The following TTC13 variants were observed in gnomAD, a reference collection of about 807,000 sequenced individuals.
The protein encoded by TTC13 is tetratricopeptide repeat protein 13.
In TTC13, 62 loss-of-function variants were observed where a neutral mutation model predicts 120.0. The ratio of observed to expected loss-of-function variants is 0.52; its 90% confidence interval spans 0.42 to 0.64. The LOEUF (loss-of-function observed/expected upper bound fraction) is 0.64, where lower values mean the gene tolerates loss of function less well. Among genes scored for constraint, TTC13 ranks in the 30% least tolerant of loss-of-function variants. TTC13 has a pLI of 0.00. For missense variants in TTC13, 824 were observed against 1,050.2 expected (o/e 0.78, Z 2.98); for synonymous variants, 384 against 393.5 (o/e 0.98, Z 0.28).
chr1:230,972,191 A>T (rs1677833204), intron 1 of TTC13, among the ~76,000 whole-genome samples: 1 of 152,224 alleles, frequency 6.6e-6, no homozygotes, highest in African/African-American at 2.4e-5. Context: ...ATGGTGCTGG[A>T]CTCTAAATCA....
chr1:230,925,199 C>G (rs1435957992), intron 13 of TTC13, among the ~76,000 whole-genome samples: 1 of 152,208 alleles, frequency 6.6e-6, no homozygotes, highest in Admixed American at 6.5e-5. Flanking sequence ...AACTCTGCCT[C>G]CTACTGAAAC....
At chr1:230,938,435 CG>C (rs1558193311) in intron 8 of TTC13, among the ~76,000 whole-genome samples, 1 of 152,180 alleles carries the variant, frequency 6.6e-6, no homozygotes, top group Non-Finnish European at 1.5e-5. Flanking sequence ...CGCACAGACT[CG>C]GAACATGGAA....
chr1:230,949,706 C>T (rs1230978789), intron 4 of TTC13, among the ~76,000 whole-genome samples: 2 of 152,006 alleles, frequency 1.3e-5, no homozygotes, highest in Admixed American at 6.5e-5. Flanking sequence ...ACTGCAGTGG[C>T]GCGATCTTGG....
chr1:230,954,445 T>C (rs1325059092), intron 3 of TTC13, 42 bp from the exon 4 acceptor site: 16 of 1,425,234 alleles, frequency 1.1e-5, no homozygotes, highest in Non-Finnish European at 1.6e-5. Flanking sequence ...AAGAATAAAG[T>C]AGTTCTAACT....
At chr1:230,935,207 A>G (rs1673930762) in intron 8 of TTC13, among the ~76,000 whole-genome samples, 1 of 152,254 alleles carries the variant, frequency 6.6e-6, no homozygotes, top group South Asian at 2.1e-4. Flanking sequence ...TTCTTAATTC[A>G]GTAAACATAT....
Position 230,923,862 on chromosome 1 carries a change from T to C in TTC13, c.1793A>G (p.Asn598Ser). 6.2e-7 allele frequency: 1 copy of C among 1,613,884 alleles called. No individual in the cohort carries two copies. Among genetic ancestry groups the C allele is most frequent in the Non-Finnish European group, 8.5e-7 (1 of 1,179,832 alleles). Residue 598 changes from asparagine to serine, a missense_variant, in exon 15 of 23, where the codon AAC becomes AGC. Physicochemically the swap from Asn to Ser is conservative, Grantham distance 46. Around this residue, in one of 4 missense-constraint regions of TTC13, gnomAD observed 430 missense variants for 626.8 expected, o/e 0.69. Transcript: ENST00000366661. Reference sequence around the variant, plus strand: ...GTACCTGATTAAATTAATGTGGTTGTTAAAACCTCTGCTAAGACTTCGTGC... The same window carrying C: ...GTACCTGATTAAATTAATGTGGTTGCTAAAACCTCTGCTAAGACTTCGTGC... ...MPARSLSRGF[N>S]NHINLIRGQV...
chr1:230,949,791 G>A (rs1180021480), intron 4 of TTC13, among the ~76,000 whole-genome samples: 7 of 152,038 alleles, frequency 4.6e-5, no homozygotes, highest in African/African-American at 7.2e-5. Context: ...GACTACAGGC[G>A]CCAGCCACCA....
chr1:230,908,471 T>C, intron 22 of TTC13: 1 of 539,748 alleles, frequency 1.9e-6, no homozygotes, highest in Non-Finnish European at 3.4e-6. Context: ...ATTACAGGTA[T>C]GAGCTACTGT....
At chr1:230,960,211 G>C (rs1676488504) in intron 2 of TTC13, among the ~76,000 whole-genome samples, 1 of 152,254 alleles carries the variant, frequency 6.6e-6, no homozygotes, top group African/African-American at 2.4e-5. Context: ...ACCTTGGGAA[G>C]AGGAAAGGCC....
chr1:230,955,279 C>A (rs1335681465), intron 3 of TTC13, among the ~76,000 whole-genome samples: 4 of 152,106 alleles, frequency 2.6e-5, no homozygotes, highest in African/African-American at 9.7e-5. Flanking sequence ...AGCTTTACTG[C>A]AATATCCTTT....
In TTC13 at chr1:230,958,304, GAAA is replaced by G. The variant is rs60736833; in HGVS notation, c.367-8_367-6del. On this transcript the variant is annotated splice_polypyrimidine_tract_variant and splice_region_variant and intron_variant, in intron 2 of 22. Coordinates refer to ENST00000366661, the MANE Select transcript of TTC13 (RefSeq NM_024525.5). ...TGCAATAGACTTGGCCTGGCTCTGG[GAAA>G]AAAAAAAAAAAAACCCATACATTTT... 394 of 1,447,378 alleles carry G rather than the reference GAAA, an allele frequency of 2.7e-4. No individual in the cohort carries two copies. The highest frequency in any genetic ancestry group is 9.7e-4 in the South Asian group (75 of 77,048). 89.7% of individuals were successfully genotyped at this position (1,447,378 alleles called of 1,614,324 possible). A position where few individuals can be genotyped will look rare whatever the true frequency, so the allele number is the denominator to read the frequency against.
At chr1:230,962,811 T>C (rs1335409578) in intron 1 of TTC13, among the ~76,000 whole-genome samples, 1 of 152,198 alleles carries the variant, frequency 6.6e-6, no homozygotes, top group Non-Finnish European at 1.5e-5. Flanking sequence ...CAAAACATTA[T>C]GCTAAATGGA....
chr1:230,931,203 T>C, intron 11 of TTC13, 95 bp downstream of exon 11: 2 of 1,360,642 alleles, frequency 1.5e-6, no homozygotes. Context: ...TCTTTCAGAC[T>C]CCACTGTTTC....
Position 230,907,941 on chromosome 1 carries a change from C to T in TTC13, c.2468+771G>A, listed in dbSNP as rs563036708. On this transcript the variant is annotated intron_variant, in intron 22 of 22. Transcript: ENST00000366661. ...TCTCCAGTGCTTCTGGAAACAAGAG[C>T]CAGGAACGATCATGGTCTGCTAGAC... Among the ~76,000 whole-genome samples, 35 of 152,184 alleles carry T rather than the reference C, an allele frequency of 2.3e-4. No individual in the cohort carries two copies. In the South Asian group the frequency reaches 6.8e-3, roughly 30 times the overall value.
intron 16 of TTC13, among the ~76,000 whole-genome samples, 158 bp downstream of exon 16, chr1:230,921,263 G>A (rs1672548578): frequency 1.3e-5 from 2 of 152,162 alleles, no homozygotes; most frequent in Non-Finnish European, 2.9e-5. Flanking sequence ...TAAAAAGAAA[G>A]TGATTATGAA....
intron 1 of TTC13, among the ~76,000 whole-genome samples, chr1:230,965,541 C>A (rs1437136342): frequency 6.6e-6 from 1 of 152,208 alleles, no homozygotes; most frequent in African/African-American, 2.4e-5. Context: ...TTAGCAGAAC[C>A]ACGATAGAGA....
chr1:230,906,900 C>T lies in TTC13; in HGVS notation c.*5G>A. The stretch of plus-strand genomic sequence containing the variant: ...CCCTTTACTTGTATAAATACAGCAG[C>T]AGAACTAGAGTTTCTTAAGACAACG... On this transcript the variant is annotated 3_prime_UTR_variant, in exon 23 of 23. Transcript: ENST00000366661. 3 of 1,419,700 alleles carry T rather than the reference C, an allele frequency of 2.1e-6. 1 individual carries two copies. The highest frequency in any genetic ancestry group is 1.5e-5 in the African/African-American group (1 of 66,936). 87.9% of individuals were successfully genotyped at this position (1,419,700 alleles called of 1,614,324 possible).
intron 15 of TTC13, among the ~76,000 whole-genome samples, chr1:230,923,351 CCCT>C (rs1223020306): frequency 6.6e-6 from 1 of 152,098 alleles, no homozygotes; most frequent in Non-Finnish European, 1.5e-5. Flanking sequence ...ACCTGACTTG[CCCT>C]CCCCAGATGG....
Position 230,924,957 on chromosome 1 carries a change from T to C in TTC13, c.1605A>G (p.Ala535=). ...GCTGCACGGCTTGCATGACCTCCAA[T>C]GCGGCCAAACCCATAGCTACGAGAA... ...KRIHRAMGLA[A]LEVMQAVQRT... is the part of the protein sequence containing the mutation. Residue 535 remains alanine, a synonymous_variant, in exon 14 of 23, where the codon GCA becomes GCG. Transcript: ENST00000366661. 2.5e-6 allele frequency: 4 copies of C among 1,614,184 alleles called. No homozygotes were observed. The highest frequency in any genetic ancestry group is 1.1e-5 in the South Asian group (1 of 91,076).
Sources: allele counts gnomAD v4.1 joint callset (sites outside exome capture counted in the v4.1 genomes callset), GRCh38; gene constraint gnomAD v4.1.1; regional missense constraint gnomAD v4.1.1; transcripts MANE v1.5; gene names NCBI Gene and HGNC (gene_info 2026-07-23, HGNC 2026-07-21).